Variants in ARL15 observed in about 807,000 individuals in gnomAD.
ARL15 encodes the protein ADP-ribosylation factor-like protein 15.
A neutral mutation model predicts 25.2 loss-of-function variants in ARL15; 19 were observed. The observed-to-expected ratio is 0.75, with a 90% CI of 0.53 to 1.10. The LOEUF (loss-of-function observed/expected upper bound fraction) is 1.10, where lower values mean the gene tolerates loss of function less well. Among genes scored for constraint, ARL15 ranks in the 50% least tolerant of loss-of-function variants. ARL15 has a pLI of 0.00. For synonymous variants in ARL15, 94 were observed against 86.8 expected, an observed-to-expected ratio of 1.08 and a Z score of -0.46; for missense variants, 220 against 246.0, an observed-to-expected ratio of 0.89 and a Z score of 0.71.
intron 4 of ARL15, among the ~76,000 whole-genome samples, chr5:54,005,122 G>T (rs1304196960): frequency 3.3e-5 from 5 of 152,052 alleles, no homozygotes; most frequent in Non-Finnish European, 7.4e-5. Flanking sequence ...AAAGTACTAG[G>T]ATTACAGGCA....
At chr5:54,216,369 T>C (rs146657941) in intron 1 of ARL15, among the ~76,000 whole-genome samples, 2 of 152,322 alleles carry the variant, frequency 1.3e-5, no homozygotes, top group Admixed American at 6.5e-5. Context: ...TATTCCACTG[T>C]GTACTTCTAA....
At position 54,310,527 on chromosome 5, in the gene ARL15, G is replaced by C. The variant is rs750836951; in HGVS notation, c.-48C>G. 3 of 1,558,094 alleles carry C rather than the reference G, an allele frequency of 1.9e-6. No homozygotes were observed. The highest frequency in any genetic ancestry group is 1.7e-6 in the Non-Finnish European group (2 of 1,150,036). On this transcript the variant is annotated 5_prime_UTR_variant, in exon 1 of 5. Transcript: ENST00000504924. ...ACGGCTCCGAACCCGGAAAAAAAAAGCAGCGTCTCTGGCTGCGAGCGAGCA... is the reference window on the plus strand; with the variant it reads ...ACGGCTCCGAACCCGGAAAAAAAAACCAGCGTCTCTGGCTGCGAGCGAGCA...
intron 3 of ARL15, among the ~76,000 whole-genome samples, chr5:54,115,156 C>A (rs1326728142): frequency 6.6e-6 from 1 of 152,144 alleles, no homozygotes; most frequent in Admixed American, 6.5e-5. Context: ...AGAGAGCCAA[C>A]ACACCACTGA....
intron 1 of ARL15, among the ~76,000 whole-genome samples, chr5:54,290,513 G>C (rs533567058): frequency 6.6e-6 from 1 of 151,956 alleles, no homozygotes; most frequent in East Asian, 1.9e-4. Context: ...TCACCATGTT[G>C]GCCAGGATGG....
intron 3 of ARL15, among the ~76,000 whole-genome samples, chr5:54,145,340 C>T (rs1158775057): frequency 6.6e-6 from 1 of 152,144 alleles, no homozygotes; most frequent in Non-Finnish European, 1.5e-5. Flanking sequence ...TTCAACAATA[C>T]TTTGGACCGC....
chr5:54,230,303 G>A lies in ARL15; in HGVS notation c.49-58375C>T, dbSNP rs1272345988. On this transcript the variant is annotated intron_variant, in intron 1 of 4. Coordinates refer to ENST00000504924, the MANE Select transcript of ARL15 (RefSeq NM_019087.3). ...GGAGGTTGCAGTGAGCCCAGATCGC[G>A]CCACTGCACTCCAGCCTGGAGACAG... 4.9e-5 allele frequency among the ~76,000 whole-genome samples: 7 copies of A among 142,764 alleles called. No individual in the cohort carries two copies. The South Asian group carries it at 1.3e-3, about 27-fold the overall frequency. 93.7% of individuals were successfully genotyped at this position (142,764 alleles called of 152,430 possible). A position where few individuals can be genotyped will look rare whatever the true frequency, so the allele number is the denominator to read the frequency against.
intron 1 of ARL15, among the ~76,000 whole-genome samples, chr5:54,255,068 T>C (rs1175205396): frequency 2.0e-5 from 3 of 152,202 alleles, no homozygotes; most frequent in Non-Finnish European, 4.4e-5. Flanking sequence ...TGGCCAATTA[T>C]AGGCATGACC....
intron 4 of ARL15, among the ~76,000 whole-genome samples, chr5:54,048,740 T>C (rs1193773589): frequency 6.6e-6 from 1 of 151,580 alleles, no homozygotes; most frequent in African/African-American, 2.4e-5. Context: ...TATTTCTTTT[T>C]CTCAGCCTTC....
At chr5:54,233,289 T>G (rs1202587616) in intron 1 of ARL15, among the ~76,000 whole-genome samples, 2 of 152,204 alleles carry the variant, frequency 1.3e-5, no homozygotes, top group African/African-American at 2.4e-5. Flanking sequence ...CATTTTTACT[T>G]GAAAAAATGA....
At position 54,154,743 on chromosome 5, in the gene ARL15, A is replaced by C. The variant is rs559468976; in HGVS notation, c.194-104T>G. The C allele has an allele frequency of 7.3e-4, 484 of 662,108 alleles. 5 individuals carry two copies. Among genetic ancestry groups the C allele is most frequent in the Admixed American group, 4.6e-4 (12 of 26,146 alleles). 41.0% of individuals were successfully genotyped at this position (662,108 alleles called of 1,614,324 possible). ...TTTTTAGGCTGGTTAAGATTTATTT[A>C]CTTTTTGTAGCTGATATTTATACTA... On this transcript the variant is annotated intron_variant, in intron 2 of 4. Coordinates refer to ENST00000504924, the MANE Select transcript of ARL15 (RefSeq NM_019087.3).
chr5:54,284,151 T>G (rs1024151063), intron 1 of ARL15, among the ~76,000 whole-genome samples: 1 of 152,210 alleles, frequency 6.6e-6, no homozygotes, highest in Admixed American at 6.5e-5. Flanking sequence ...TTGCCCAGGC[T>G]GGAGTACAGT....
chr5:54,240,513 T>C (rs1036701068), intron 1 of ARL15, among the ~76,000 whole-genome samples: 1 of 152,040 alleles, frequency 6.6e-6, no homozygotes, highest in Non-Finnish European at 1.5e-5. Flanking sequence ...ACCTAAAAGA[T>C]TGTGTTGCCT....
At chr5:54,007,752 A>G (rs1749092259) in intron 4 of ARL15, among the ~76,000 whole-genome samples, 1 of 152,236 alleles carries the variant, frequency 6.6e-6, no homozygotes, top group Non-Finnish European at 1.5e-5. Flanking sequence ...CTCTTTCCTT[A>G]TAGACCTTCT....
rs1442533437 is a variant in ARL15 at position 54,078,141 on chromosome 5, A to G, written c.462+35061T>C. ...ATAATATGCTCTTAAGTTTAACAAA[A>G]AGCAAGCACAATGAGTTATTCCTAA... On this transcript the variant is annotated intron_variant, in intron 4 of 4. Coordinates refer to ENST00000504924, the MANE Select transcript of ARL15 (RefSeq NM_019087.3). Among the ~76,000 whole-genome samples, 3 of 152,224 alleles carry G rather than the reference A, an allele frequency of 2.0e-5. No homozygotes were observed. In the East Asian group the frequency reaches 5.8e-4, roughly 29 times the overall value.
intron 1 of ARL15, among the ~76,000 whole-genome samples, chr5:54,303,361 A>G (rs1417661370): frequency 6.6e-6 from 1 of 152,080 alleles, no homozygotes; most frequent in Non-Finnish European, 1.5e-5. Context: ...GTCTCTACCA[A>G]AAAATACAAA....
chr5:54,236,650 T>C (rs1477248450), intron 1 of ARL15, among the ~76,000 whole-genome samples: 1 of 152,254 alleles, frequency 6.6e-6, no homozygotes, highest in African/African-American at 2.4e-5. Context: ...TTCTGTGAAA[T>C]TCTACTGGTC....
chr5:53,984,698 C>T (rs1748231069), intron 4 of ARL15, among the ~76,000 whole-genome samples: 1 of 151,908 alleles, frequency 6.6e-6, no homozygotes, highest in Admixed American at 6.6e-5. Flanking sequence ...TTTTACTTAC[C>T]ATCTATTTAT....
At position 53,914,137 on chromosome 5, in the gene ARL15, C is replaced by A. The variant is rs1406271280; in HGVS notation, c.463-27424G>T. Among the ~76,000 whole-genome samples, 4 of 148,572 alleles carry A rather than the reference C, an allele frequency of 2.7e-5. No homozygotes were observed. The Admixed American group carries it at 2.7e-4, about 10-fold the overall frequency. On this transcript the variant is annotated intron_variant, in intron 4 of 4. Transcript: ENST00000504924. ...AAGTGAAATTAGCAAGTGCACAGGC[C>A]CACACACACACTCTCACACACACAC...
chr5:53,894,324 T>C (rs563506180), intron 4 of ARL15, among the ~76,000 whole-genome samples: 3 of 152,154 alleles, frequency 2.0e-5, no homozygotes, highest in Non-Finnish European at 4.4e-5. Flanking sequence ...ATTTTATTTG[T>C]TGTGACAATA....
Sources: allele counts gnomAD v4.1 joint callset (sites outside exome capture counted in the v4.1 genomes callset), GRCh38; gene constraint gnomAD v4.1.1; transcripts MANE v1.5; gene names NCBI Gene and HGNC (gene_info 2026-07-23, HGNC 2026-07-21).